Variants in ARSB observed in about 807,000 individuals in gnomAD.
The protein encoded by ARSB is N-acetylgalactosamine-4-sulfatase.
A neutral mutation model predicts 50.9 loss-of-function variants in ARSB; 41 were observed. The ratio of observed to expected loss-of-function variants is 0.81; its 90% CI spans 0.63 to 1.04. The LOEUF is 1.04. ARSB is among the 50% of genes least tolerant of loss of function. ARSB has a pLI of 0.00. For synonymous variants in ARSB, 269 were observed against 284.8 expected, an observed-to-expected ratio of 0.94 and a Z score of 0.56; for missense variants, 672 against 693.3, an observed-to-expected ratio of 0.97 and a Z score of 0.35.
intron 6 of ARSB, among the ~76,000 whole-genome samples, chr5:78,828,653 T>C (rs2112690110): frequency 6.6e-6 from 1 of 152,366 alleles, no homozygotes; most frequent in Middle Eastern, 3.4e-3. Context: ...TTGTATGTTC[T>C]TGTTCTCTCC....
Position 78,790,080 on chromosome 5 carries a change from A to G in ARSB, c.1214-8106T>C, listed in dbSNP as rs138423132. Among the ~76,000 whole-genome samples, 111 of 152,292 alleles carry G rather than the reference A, an allele frequency of 7.3e-4. 3 individuals are homozygous for G. In the East Asian group the frequency reaches 0.017, roughly 23 times the overall value. ...GCTGCTCAAGTACAATGAGCTGGAC[A>G]TGATTGGAGAATGGGGCTTAGGAAG... On this transcript the variant is annotated intron_variant, in intron 6 of 7. Coordinates refer to ENST00000264914, the MANE Select transcript of ARSB (RefSeq NM_000046.5).
intron 5 of ARSB, among the ~76,000 whole-genome samples, chr5:78,871,031 A>G (rs1747136100): frequency 6.6e-6 from 1 of 150,642 alleles, no homozygotes; most frequent in African/African-American, 2.4e-5. Flanking sequence ...ACAGACAAAC[A>G]GAGAGCCAAA....
intron 6 of ARSB, among the ~76,000 whole-genome samples, chr5:78,789,185 T>C (rs1749174036): frequency 1.3e-5 from 2 of 152,268 alleles, no homozygotes; most frequent in Non-Finnish European, 1.5e-5. Flanking sequence ...GCAATTTATA[T>C]GTTTGTTGTA....
At chr5:78,881,049 T>G (rs1473074049) in intron 5 of ARSB, among the ~76,000 whole-genome samples, 1 of 152,074 alleles carries the variant, frequency 6.6e-6, no homozygotes, top group Non-Finnish European at 1.5e-5. Flanking sequence ...TGGACCAACA[T>G]GGCAAAACCC....
chr5:78,797,653 G>GC (rs1399381070), intron 6 of ARSB, among the ~76,000 whole-genome samples: 2 of 152,150 alleles, frequency 1.3e-5, no homozygotes, highest in Non-Finnish European at 2.9e-5. Flanking sequence ...CCTTTCTGCT[G>GC]CCCCCGTGAG....
At chr5:78,821,772 A>C (rs1176079421) in intron 6 of ARSB, among the ~76,000 whole-genome samples, 3 of 152,238 alleles carry the variant, frequency 2.0e-5, no homozygotes, top group African/African-American at 7.2e-5. Context: ...TTAAATATGC[A>C]TGAAATAACA....
intron 4 of ARSB, among the ~76,000 whole-genome samples, chr5:78,898,656 C>A (rs1374208604): frequency 6.6e-6 from 1 of 152,190 alleles, no homozygotes; most frequent in East Asian, 1.9e-4. Flanking sequence ...GAGGCCTGTA[C>A]AAGTCTGATG....
At chr5:78,787,586 G>A (rs1749128059) in intron 6 of ARSB, among the ~76,000 whole-genome samples, 1 of 152,198 alleles carries the variant, frequency 6.6e-6, no homozygotes, top group Non-Finnish European at 1.5e-5. Flanking sequence ...TGAGCAAAGA[G>A]ACATCTAAGA....
chr5:78,865,520 C>T (rs940166526), intron 5 of ARSB, among the ~76,000 whole-genome samples: 9 of 152,198 alleles, frequency 5.9e-5, no homozygotes, highest in Admixed American at 2.6e-4. Flanking sequence ...ACCTCTGACA[C>T]GCCCTGGAGA....
rs578201003 is a variant in ARSB at position 78,867,477 on chromosome 5, G to C, written c.1142+18107C>G. 1.4e-3 allele frequency among the ~76,000 whole-genome samples: 206 copies of C among 152,320 alleles called. 1 individual carries two copies. Among genetic ancestry groups the C allele is most frequent in the Middle Eastern group, 3.4e-3 (1 of 294 alleles). The stretch of plus-strand genomic sequence containing the variant: ...AGCACGCAGCTGGAGATCTGAGAAC[G>C]GGTAGACTGCCTCCACAAGTGGGTC... On this transcript the variant is annotated intron_variant, in intron 5 of 7. Coordinates refer to ENST00000264914, the MANE Select transcript of ARSB (RefSeq NM_000046.5).
Position 78,869,636 on chromosome 5 carries a change from C to T in ARSB, c.1142+15948G>A, listed in dbSNP as rs1277300721. 5.3e-5 allele frequency among the ~76,000 whole-genome samples: 8 copies of T among 151,826 alleles called. No homozygotes were observed. The South Asian group carries it at 1.5e-3, about 28-fold the overall frequency. ...CCAGCGAGAACAAAGACACAACATA[C>T]CAGAATCTCTGGGACGCATTCAAAG... On this transcript the variant is annotated intron_variant, in intron 5 of 7. Coordinates refer to ENST00000264914, the MANE Select transcript of ARSB (RefSeq NM_000046.5).
chr5:78,917,594 C>T (rs10474003), intron 4 of ARSB, among the ~76,000 whole-genome samples: 3,005 of 152,248 alleles, frequency 0.02, 37 homozygotes, highest in Non-Finnish European at 0.03. Context: ...CTCATCGCAA[C>T]CTCTGCCTCC....
At chr5:78,880,312 A>G (rs1391683084) in intron 5 of ARSB, among the ~76,000 whole-genome samples, 2 of 152,250 alleles carry the variant, frequency 1.3e-5, no homozygotes, top group Non-Finnish European at 2.9e-5. Flanking sequence ...AACATCAATG[A>G]TGTGAACTTT....
chr5:78,887,410 C>T (rs999377775), intron 4 of ARSB, among the ~76,000 whole-genome samples: 4 of 152,104 alleles, frequency 2.6e-5, no homozygotes, highest in African/African-American at 7.2e-5. Context: ...ATGAGGAACC[C>T]GCCCCCATGA....
At chr5:78,915,721 T>G (rs891014679) in intron 4 of ARSB, among the ~76,000 whole-genome samples, 22 of 152,224 alleles carry the variant, frequency 1.4e-4, no homozygotes, top group African/African-American at 5.1e-4. Flanking sequence ...TGATACATCT[T>G]GGGGCTGGGA....
In ARSB at chr5:78,833,879, T is replaced by C. The variant is rs1177109903; in HGVS notation, c.1213+5477A>G. ...GGGCACTTAGAAGCTGAATGAACAG[T>C]TTCAAACATCTGTATATAATGTCAA... On this transcript the variant is annotated intron_variant, in intron 6 of 7. Transcript: ENST00000264914. 1.3e-5 allele frequency among the ~76,000 whole-genome samples: 2 copies of C among 152,196 alleles called. 1 individual carries two copies. Among genetic ancestry groups the C allele is most frequent in the East Asian group, 3.8e-4 (2 of 5,204 alleles).
rs546105510 is a variant in ARSB at position 78,854,866 on chromosome 5, AT to A, written c.1143-15441del. 9.9e-5 allele frequency among the ~76,000 whole-genome samples: 15 copies of A among 151,280 alleles called. No homozygotes were observed. The South Asian group carries it at 1.3e-3, about 13-fold the overall frequency. Reference sequence around the variant, plus strand: ...CTGGGTATCGCATGCTTAGCTGACAATTTTTTTTTCTTTTGGTACTTTGAAT... The same window carrying A: ...CTGGGTATCGCATGCTTAGCTGACAATTTTTTTTCTTTTGGTACTTTGAAT... On this transcript the variant is annotated intron_variant, in intron 5 of 7. Coordinates refer to ENST00000264914, the MANE Select transcript of ARSB (RefSeq NM_000046.5).
rs184167880 is a variant in ARSB at position 78,976,410 on chromosome 5, C to G, written c.313-7218G>C. Among the ~76,000 whole-genome samples the G allele has an allele frequency of 7.2e-4, 110 of 151,802 alleles. 1 individual carries two copies. The East Asian group carries it at 0.016, about 23-fold the overall frequency. ...TCAAGCGATTTCCCGCCATCTACCCCCCTGCCCCCGGGTCTCAACCTCAGT... is the reference window on the plus strand; with the variant it reads ...TCAAGCGATTTCCCGCCATCTACCCGCCTGCCCCCGGGTCTCAACCTCAGT... On this transcript the variant is annotated intron_variant, in intron 1 of 7. Coordinates refer to ENST00000264914, the MANE Select transcript of ARSB (RefSeq NM_000046.5).
intron 6 of ARSB, among the ~76,000 whole-genome samples, chr5:78,821,210 A>G (rs1744206955): frequency 6.6e-6 from 1 of 152,182 alleles, no homozygotes; most frequent in South Asian, 2.1e-4. Context: ...ATCTCAGCTC[A>G]CTGCAACCTC....
Sources: gnomAD v4.1 joint callset for allele counts (sites outside exome capture counted in the v4.1 genomes callset) on GRCh38, gnomAD v4.1.1 for gene constraint, MANE v1.5 for transcripts, NCBI Gene and HGNC (gene_info 2026-07-23, HGNC 2026-07-21) for gene names.